The following PLEKHS1 variants were observed in gnomAD, a reference collection of about 807,000 sequenced individuals.
PLEKHS1 encodes pleckstrin homology domain containing S1.
In PLEKHS1, 55 loss-of-function variants were observed where a neutral mutation model predicts 51.0. The ratio of observed to expected loss-of-function variants is 1.08; its 90% CI spans 0.87 to 1.35. PLEKHS1 has a LOEUF of 1.35. Among genes scored for constraint, PLEKHS1 ranks in the 40% most tolerant of loss-of-function variants. The pLI is 0.00. For synonymous variants in PLEKHS1, 153 were observed against 144.8 expected (o/e 1.06, Z -0.41); for missense variants, 398 against 423.0 (o/e 0.94, Z 0.52).
At chr10:113,777,141 G>A (rs1463509140) in intron 11 of PLEKHS1, 1 of 1,612,532 alleles carries the variant, frequency 6.2e-7, no homozygotes, top group African/African-American at 1.3e-5. Context: ...CAGTGGGAAG[G>A]CCCCCCACGT....
chr10:113,768,317 G>A (rs562721720), intron 5 of PLEKHS1, among the ~76,000 whole-genome samples: 4 of 152,046 alleles, frequency 2.6e-5, no homozygotes, highest in East Asian at 1.9e-4. Context: ...CAGAGGAGGC[G>A]GACAATGCCA....
chr10:113,763,130 G>A (rs1429965702), intron 2 of PLEKHS1, among the ~76,000 whole-genome samples: 2 of 151,982 alleles, frequency 1.3e-5, no homozygotes, highest in African/African-American at 2.4e-5. Context: ...TATGTTATAA[G>A]GGCATATATG....
intron 7 of PLEKHS1, chr10:113,771,350 G>GTA (rs1289937009): frequency 6.6e-6 from 1 of 152,110 alleles, no homozygotes; most frequent in East Asian, 1.9e-4. Context: ...AAAGATGAGG[G>GTA]TAGCAACTCC....
chr10:113,767,475 G>C, exon 5 of PLEKHS1: 2 of 1,606,342 alleles, frequency 1.2e-6, no homozygotes, highest in Non-Finnish European at 1.7e-6. Context: ...CATTGGCCAC[G>C]ACAGGTGAGA....
At chr10:113,763,860 AC>A (rs1331829420) in intron 2 of PLEKHS1, among the ~76,000 whole-genome samples, 1 of 152,162 alleles carries the variant, frequency 6.6e-6, no homozygotes, top group East Asian at 1.9e-4. Context: ...TCATACATTT[AC>A]CCCAGTAGTT....
At chr10:113,769,870 C>T (rs779033098) in exon 7 of PLEKHS1, 1 of 1,613,944 alleles carries the variant, frequency 6.2e-7, no homozygotes, top group Admixed American at 1.7e-5. Flanking sequence ...CTGTTGGCTC[C>T]AGCTCACCAA....
At chr10:113,759,624 A>AT (rs1843827179) in intron 2 of PLEKHS1, among the ~76,000 whole-genome samples, 2 of 152,246 alleles carry the variant, frequency 1.3e-5, no homozygotes, top group Non-Finnish European at 2.9e-5. Context: ...AAAATAGTTC[A>AT]TTTTTTTGAT....
intron 1 of PLEKHS1, among the ~76,000 whole-genome samples, chr10:113,754,124 T>C (rs1271350451): frequency 6.6e-6 from 1 of 152,194 alleles, no homozygotes; most frequent in East Asian, 1.9e-4. Context: ...TATGTATTTT[T>C]TCATCTCTGT....
At chr10:113,766,823 G>C in intron 4 of PLEKHS1, 105 bp downstream of exon 4, 1 of 809,158 alleles carries the variant, frequency 1.2e-6, no homozygotes, top group Non-Finnish European at 1.9e-6. Flanking sequence ...AAAGGAACCT[G>C]CTTCAAGCTG....
chr10:113,759,404 CT>C (rs1843815834), intron 2 of PLEKHS1, among the ~76,000 whole-genome samples: 1 of 152,176 alleles, frequency 6.6e-6, no homozygotes, highest in African/African-American at 2.4e-5. Context: ...ACTCATCACT[CT>C]TGATGTTTTC....
At chr10:113,769,423 T>C (rs1844300453) in intron 6 of PLEKHS1, among the ~76,000 whole-genome samples, 1 of 152,218 alleles carries the variant, frequency 6.6e-6, no homozygotes, top group South Asian at 2.1e-4. Flanking sequence ...TTCTAGGTTG[T>C]TCCATGCTTA....
chr10:113,780,162 T>A lies in PLEKHS1; in HGVS notation c.*-440T>A, dbSNP rs557632197. On this transcript the variant is annotated intron_variant, in intron 11 of 11. Coordinates refer to ENST00000361048, the Ensembl canonical transcript of PLEKHS1. ...GGCAGGGATTGGGAGGGGAGAGAACTGAGATTTTCAAGGGAAGGGGAGAAG... is the reference window on the plus strand; with the variant it reads ...GGCAGGGATTGGGAGGGGAGAGAACAGAGATTTTCAAGGGAAGGGGAGAAG... Among the ~76,000 whole-genome samples, 6 of 152,086 alleles carry A rather than the reference T, an allele frequency of 3.9e-5. No individual in the cohort carries two copies. In the East Asian group the frequency reaches 9.7e-4, roughly 25 times the overall value.
At chr10:113,754,058 T>C (rs1001629809) in intron 1 of PLEKHS1, among the ~76,000 whole-genome samples, 1 of 152,230 alleles carries the variant, frequency 6.6e-6, no homozygotes, top group East Asian at 1.9e-4. Context: ...TCCGCCCACC[T>C]CAACCTCCCA....
chr10:113,753,680 G>A (rs1853959269), intron 1 of PLEKHS1, among the ~76,000 whole-genome samples: 1 of 152,142 alleles, frequency 6.6e-6, no homozygotes, highest in Non-Finnish European at 1.5e-5. Flanking sequence ...TGATTCCAGG[G>A]TCCAGGAAAG....
intron 2 of PLEKHS1, among the ~76,000 whole-genome samples, chr10:113,763,071 C>T (rs944270505): frequency 3.9e-5 from 6 of 152,044 alleles, no homozygotes; most frequent in African/African-American, 9.7e-5. Flanking sequence ...GCGGATGTGT[C>T]CATTTATTCA....
chr10:113,764,323 C>A, intron 2 of PLEKHS1, among the ~76,000 whole-genome samples: 1 of 152,122 alleles, frequency 6.6e-6, no homozygotes, highest in African/African-American at 2.4e-5. Flanking sequence ...TGGTCTCAAA[C>A]CCCTGATCTC....
chr10:113,765,466 C>T, intron 2 of PLEKHS1: 2 of 770,818 alleles, frequency 2.6e-6, no homozygotes, highest in South Asian at 2.7e-5. Context: ...TCAGCACACA[C>T]ATGTGTTAAT....
chr10:113,752,197 T>A (rs1242831537), intron 1 of PLEKHS1, among the ~76,000 whole-genome samples: 1 of 152,210 alleles, frequency 6.6e-6, no homozygotes, highest in Non-Finnish European at 1.5e-5. Context: ...TTCTTTTTAA[T>A]TACATGATCA....
At chr10:113,767,579 G>C (rs557043653) in intron 5 of PLEKHS1, 100 bp downstream of exon 5, 1 of 1,136,082 alleles carries the variant, frequency 8.8e-7, no homozygotes, top group Admixed American at 3.3e-5. Context: ...CTGAACCCAC[G>C]CTACAAACCT....
Sources: gnomAD v4.1 joint callset for allele counts (sites outside exome capture counted in the v4.1 genomes callset) on GRCh38, gnomAD v4.1.1 for gene constraint, MANE v1.5 for transcripts, NCBI Gene and HGNC (gene_info 2026-07-23, HGNC 2026-07-21) for gene names.